SKAP2: variants seen among roughly 807,000 people sequenced by gnomAD.
The protein encoded by SKAP2 is src kinase associated phosphoprotein 2.
SKAP2 carries 28 observed loss-of-function variants against 54.9 expected under a neutral mutation model. The observed-to-expected ratio is 0.51, with a 90% CI of 0.38 to 0.70. SKAP2 has a LOEUF of 0.70. Ranked by LOEUF, SKAP2 falls within the 30% of genes least tolerant of loss-of-function variation. The pLI is 0.00. For missense variants in SKAP2, 356 were observed against 424.1 expected (o/e 0.84, Z 1.41); for synonymous variants, 137 against 134.3 (o/e 1.02, Z -0.14).
At chr7:26,775,530 CGTGTGTGTGT>C (rs59902431) in intron 4 of SKAP2, among the ~76,000 whole-genome samples, 16,717 of 146,176 alleles carry the variant, frequency 0.11, 1,346 homozygotes, top group African/African-American at 0.22. Flanking sequence ...TTTACTTGTA[CGTGTGTGTGT>C]GTGTGTGTGT....
chr7:26,794,394 G>A (rs1783728822), intron 4 of SKAP2, among the ~76,000 whole-genome samples: 1 of 152,230 alleles, frequency 6.6e-6, no homozygotes, highest in African/African-American at 2.4e-5. Flanking sequence ...GAATCTGGGA[G>A]TGACCAATCC....
chr7:26,707,660 G>A (rs1178182647), intron 9 of SKAP2, among the ~76,000 whole-genome samples: 1 of 152,154 alleles, frequency 6.6e-6, no homozygotes, highest in African/African-American at 2.4e-5. Flanking sequence ...GTTGAGGCTG[G>A]AGTTTTAACA....
chr7:26,805,223 C>T (rs1285723332), intron 4 of SKAP2, among the ~76,000 whole-genome samples: 1 of 152,098 alleles, frequency 6.6e-6, no homozygotes, highest in Non-Finnish European at 1.5e-5. Flanking sequence ...GATTATGAAA[C>T]AATCAACAGA....
At chr7:26,788,008 G>A (rs10256561) in intron 4 of SKAP2, among the ~76,000 whole-genome samples, 1 of 152,064 alleles carries the variant, frequency 6.6e-6, no homozygotes, top group East Asian at 1.9e-4. Context: ...AACATGGGAT[G>A]TAGGCAGGGG....
chr7:26,804,919 A>G (rs745691827), intron 4 of SKAP2, among the ~76,000 whole-genome samples: 3 of 152,240 alleles, frequency 2.0e-5, no homozygotes, highest in Non-Finnish European at 2.9e-5. Context: ...GCCAATGTAT[A>G]AAAAATGCTT....
intron 11 of SKAP2, among the ~76,000 whole-genome samples, chr7:26,681,830 T>C (rs1786508758): frequency 6.6e-6 from 1 of 152,238 alleles, no homozygotes; most frequent in Non-Finnish European, 1.5e-5. Flanking sequence ...ATACAATTTC[T>C]ATATTTAATT....
At position 26,736,082 on chromosome 7, in the gene SKAP2, G is replaced by A. The variant is rs192690939; in HGVS notation, c.469+2713C>T. On this transcript the variant is annotated intron_variant, in intron 6 of 12. Transcript: ENST00000345317. Reference sequence around the variant, plus strand: ...AAATGGTAATTTTTTTAAAGTGGAAGTGTCAGAGGCTTTTAAACCAGAGCA... The same window carrying A: ...AAATGGTAATTTTTTTAAAGTGGAAATGTCAGAGGCTTTTAAACCAGAGCA... Among the ~76,000 whole-genome samples, 31 of 152,262 alleles carry A rather than the reference G, an allele frequency of 2.0e-4. 1 individual carries two copies. In the East Asian group the frequency reaches 5.2e-3, roughly 26 times the overall value.
intron 4 of SKAP2, among the ~76,000 whole-genome samples, chr7:26,745,881 T>C (rs1782550362): frequency 1.3e-5 from 2 of 152,186 alleles, no homozygotes; most frequent in Admixed American, 6.5e-5. Flanking sequence ...AAACATATAT[T>C]AGGCTTTGAT....
chr7:26,835,875 T>C (rs1355914462), intron 4 of SKAP2, among the ~76,000 whole-genome samples: 2 of 152,082 alleles, frequency 1.3e-5, no homozygotes, highest in African/African-American at 4.8e-5. Flanking sequence ...AAAGAGCCCG[T>C]ATAGCCAAGA....
chr7:26,844,630 ATTTTATACAT>A (rs577180783), intron 3 of SKAP2, among the ~76,000 whole-genome samples: 1 of 152,302 alleles, frequency 6.6e-6, no homozygotes, highest in Admixed American at 6.5e-5. Flanking sequence ...GTATAAAATC[ATTTTATACAT>A]TTTTATACAT....
chr7:26,761,973 T>C (rs1562600999), intron 4 of SKAP2, among the ~76,000 whole-genome samples: 1 of 152,050 alleles, frequency 6.6e-6, no homozygotes, highest in Non-Finnish European at 1.5e-5. Flanking sequence ...AGTAGAGAAG[T>C]TTGCCAGCAG....
intron 9 of SKAP2, among the ~76,000 whole-genome samples, chr7:26,690,633 AC>A (rs1035900730): frequency 6.6e-6 from 1 of 152,202 alleles, no homozygotes; most frequent in Non-Finnish European, 1.5e-5. Context: ...CCAAATAGCA[AC>A]CTTTCCAACT....
intron 3 of SKAP2, among the ~76,000 whole-genome samples, chr7:26,849,462 T>C (rs569919440): frequency 1.3e-5 from 2 of 152,078 alleles, no homozygotes; most frequent in East Asian, 1.9e-4. Context: ...GGTGGGCAGA[T>C]TACCTGAGGT....
At chr7:26,746,245 T>C (rs1306531117) in intron 4 of SKAP2, among the ~76,000 whole-genome samples, 2 of 152,196 alleles carry the variant, frequency 1.3e-5, no homozygotes, top group African/African-American at 4.8e-5. Flanking sequence ...TCAGAACTCA[T>C]CATTCCACAA....
chr7:26,730,120 C>T lies in SKAP2; in HGVS notation c.470-3114G>A, dbSNP rs548181233. ...CCAATACAGGACAGGAAGTTCAAGACGTGAAATGGGCAGACATGGCTATAA... is the reference window on the plus strand; with the variant it reads ...CCAATACAGGACAGGAAGTTCAAGATGTGAAATGGGCAGACATGGCTATAA... On this transcript the variant is annotated intron_variant, in intron 6 of 12. Coordinates refer to ENST00000345317, the MANE Select transcript of SKAP2 (RefSeq NM_003930.5). 6.2e-4 allele frequency among the ~76,000 whole-genome samples: 94 copies of T among 152,248 alleles called. No individual in the cohort carries two copies. In the South Asian group the frequency reaches 0.01, roughly 16 times the overall value.
chr7:26,693,838 A>C (rs1156397810), intron 9 of SKAP2, among the ~76,000 whole-genome samples: 1 of 152,188 alleles, frequency 6.6e-6, no homozygotes, highest in Non-Finnish European at 1.5e-5. Context: ...AATAGCTTCC[A>C]TATAAAAGAT....
chr7:26,665,781 A>G (rs139608931), downstream of SKAP2, among the ~76,000 whole-genome samples: 25 of 152,302 alleles, frequency 1.6e-4, no homozygotes, highest in African/African-American at 5.5e-4. Flanking sequence ...CAGTAGGCGT[A>G]TAATAAACTG....
chr7:26,803,686 T>C (rs1783962395), intron 4 of SKAP2, among the ~76,000 whole-genome samples: 1 of 152,230 alleles, frequency 6.6e-6, no homozygotes, highest in African/African-American at 2.4e-5. Flanking sequence ...TGTTGCAGCA[T>C]TATTTATGAT....
intron 1 of SKAP2, among the ~76,000 whole-genome samples, chr7:26,860,367 C>T (rs1785250941): frequency 1.3e-5 from 2 of 151,954 alleles, no homozygotes; most frequent in South Asian, 4.2e-4. Flanking sequence ...ACCTCTAGTC[C>T]CTTAATTTAC....
Sources: allele counts gnomAD v4.1 joint callset (sites outside exome capture counted in the v4.1 genomes callset), GRCh38; gene constraint gnomAD v4.1.1; transcripts MANE v1.5; gene names NCBI Gene and HGNC (gene_info 2026-07-23, HGNC 2026-07-21).